BCAS3: variants seen among roughly 807,000 people sequenced by gnomAD.
BCAS3 encodes the protein BCAS4/BCAS3 fusion.
Under a neutral mutation model 116.1 loss-of-function variants are expected in BCAS3, and 53 were observed. The observed-to-expected ratio is 0.46, with a 90% CI of 0.37 to 0.57. The LOEUF is 0.57. Among genes scored for constraint, BCAS3 ranks in the 20% least tolerant of loss-of-function variants. The pLI is 0.00. For missense variants in BCAS3, 917 were observed against 1,165.4 expected, an observed-to-expected ratio of 0.79 and a Z score of 3.10; for synonymous variants, 391 against 408.2, an observed-to-expected ratio of 0.96 and a Z score of 0.51.
intron 22 of BCAS3, among the ~76,000 whole-genome samples, chr17:61,138,462 AC>A (rs544895362): frequency 2.5e-4 from 38 of 152,330 alleles, no homozygotes; most frequent in Admixed American, 2.5e-3. Flanking sequence ...TATGTGACTT[AC>A]ACACAGACCA....
chr17:60,716,106 C>T (rs1568086342), intron 5 of BCAS3, among the ~76,000 whole-genome samples: 1 of 152,120 alleles, frequency 6.6e-6, no homozygotes, highest in Non-Finnish European at 1.5e-5. Context: ...TGTGCTGTGC[C>T]CGCCTCGGCC....
intron 22 of BCAS3, among the ~76,000 whole-genome samples, chr17:61,242,683 C>G (rs1428667740): frequency 6.6e-6 from 1 of 152,272 alleles, no homozygotes; most frequent in East Asian, 1.9e-4. Flanking sequence ...AGCCTATCTT[C>G]TACCAGTCAG....
At chr17:60,836,447 G>T (rs983089189) in intron 7 of BCAS3, among the ~76,000 whole-genome samples, 8 of 152,064 alleles carry the variant, frequency 5.3e-5, no homozygotes, top group Non-Finnish European at 8.8e-5. Context: ...GAAAGAACTT[G>T]TAAGTCCGAA....
At chr17:60,772,902 C>T (rs1361820300) in intron 6 of BCAS3, among the ~76,000 whole-genome samples, 1 of 152,056 alleles carries the variant, frequency 6.6e-6, no homozygotes, top group Non-Finnish European at 1.5e-5. Flanking sequence ...TAACGTGAAG[C>T]AAGTAAGTTT....
rs530408541 is a variant in BCAS3 at position 61,358,051 on chromosome 17, GC to G, written c.2426-10273del. Reference sequence around the variant, plus strand: ...TACAGTGAGCTGAAAGCATGCCACTGCCCTACAGCCTGGGCAACAGAGTGAG... The same window carrying G: ...TACAGTGAGCTGAAAGCATGCCACTGCCTACAGCCTGGGCAACAGAGTGAG... On this transcript the variant is annotated intron_variant, in intron 22 of 23. Transcript: ENST00000407086. 2.2e-3 allele frequency among the ~76,000 whole-genome samples: 330 copies of G among 150,530 alleles called. 1 individual carries two copies. Among genetic ancestry groups the G allele is most frequent in the African/African-American group, 7.7e-3 (315 of 40,884 alleles).
chr17:61,099,133 A>G (rs1446977985), intron 22 of BCAS3, among the ~76,000 whole-genome samples: 1 of 152,068 alleles, frequency 6.6e-6, no homozygotes, highest in African/African-American at 2.4e-5. Context: ...CAAAAAAAAT[A>G]AAAGATACTC....
chr17:60,929,857 A>T (rs908529378), intron 13 of BCAS3, among the ~76,000 whole-genome samples: 2 of 151,540 alleles, frequency 1.3e-5, no homozygotes, highest in African/African-American at 4.9e-5. Context: ...ACTGAGAATG[A>T]TGATTTCCAA....
intron 22 of BCAS3, among the ~76,000 whole-genome samples, chr17:61,331,754 G>A (rs529191773): frequency 1.8e-4 from 28 of 152,274 alleles, no homozygotes; most frequent in Non-Finnish European, 4.0e-4. Context: ...TTCTTGTGAC[G>A]AGAACTCATG....
chr17:60,817,383 C>G (rs1042154516), intron 7 of BCAS3, among the ~76,000 whole-genome samples: 1 of 152,158 alleles, frequency 6.6e-6, no homozygotes, highest in African/African-American at 2.4e-5. Flanking sequence ...TGGTTAGGAT[C>G]TTGTTGGCTA....
At chr17:60,991,997 T>C (rs993549078) in intron 15 of BCAS3, among the ~76,000 whole-genome samples, 1 of 152,192 alleles carries the variant, frequency 6.6e-6, no homozygotes, top group Non-Finnish European at 1.5e-5. Context: ...TGTAACGCAA[T>C]TGATCTGTTC....
intron 6 of BCAS3, among the ~76,000 whole-genome samples, chr17:60,777,029 A>C (rs1328175475): frequency 6.6e-6 from 1 of 151,834 alleles, no homozygotes; most frequent in Non-Finnish European, 1.5e-5. Flanking sequence ...AAAAAAAAAA[A>C]AAACAAATGA....
In BCAS3 at chr17:61,376,087, A is replaced by G. The variant is rs1396160941; in HGVS notation, c.2593+7593A>G. Reference sequence around the variant, plus strand: ...CCAGTCCAGCCCTAGGGGTAGATAGATGCATCCTACTGGCCCAACTCATTG... The same window carrying G: ...CCAGTCCAGCCCTAGGGGTAGATAGGTGCATCCTACTGGCCCAACTCATTG... On this transcript the variant is annotated intron_variant, in intron 23 of 23. Transcript: ENST00000407086. The surrounding 1 kb of genome is among the most constrained non-coding windows in gnomAD (Gnocchi z 4.5). Among the ~76,000 whole-genome samples, 3 of 152,198 alleles carry G rather than the reference A, an allele frequency of 2.0e-5. No homozygotes were observed. Among genetic ancestry groups the G allele is most frequent in the Admixed American group, 6.5e-5 (1 of 15,278 alleles).
chr17:61,131,146 T>G lies in BCAS3; in HGVS notation c.2425+46582T>G, dbSNP rs1309790142. On this transcript the variant is annotated intron_variant, in intron 22 of 23. Transcript: ENST00000407086. The surrounding 1 kb of genome is among the most constrained non-coding windows in gnomAD (Gnocchi z 4.4). ...TAGGTTGACCTTTAACAAGTCTATT[T>G]AACTTTTTCTTAGGTTATTTCTAAG... Among the ~76,000 whole-genome samples, 1 of 152,214 alleles carries G rather than the reference T, an allele frequency of 6.6e-6. No homozygotes were observed. Among genetic ancestry groups the G allele is most frequent in the Admixed American group, 6.5e-5 (1 of 15,290 alleles).
At chr17:61,022,483 AT>A (rs1568144458) in intron 16 of BCAS3, among the ~76,000 whole-genome samples, 1 of 152,076 alleles carries the variant, frequency 6.6e-6, no homozygotes, top group African/African-American at 2.4e-5. Flanking sequence ...TGACCTCGTG[AT>A]CCACCTGCCT....
intron 22 of BCAS3, among the ~76,000 whole-genome samples, chr17:61,238,662 AT>A (rs1340322069): frequency 6.6e-6 from 1 of 151,966 alleles, no homozygotes; most frequent in Non-Finnish European, 1.5e-5. Flanking sequence ...TGAGCGACAC[AT>A]TTGCTACCAT....
chr17:61,074,394 A>T (rs1376170175), intron 19 of BCAS3, among the ~76,000 whole-genome samples: 1 of 152,138 alleles, frequency 6.6e-6, no homozygotes, highest in Non-Finnish European at 1.5e-5. Context: ...TTACTAAGCA[A>T]ATGTTCCTAT....
At chr17:61,120,484 C>A (rs2075728591) in intron 22 of BCAS3, among the ~76,000 whole-genome samples, 1 of 152,060 alleles carries the variant, frequency 6.6e-6, no homozygotes, top group African/African-American at 2.4e-5. Context: ...TATACACATT[C>A]ATGCTCGCTT....
intron 14 of BCAS3, among the ~76,000 whole-genome samples, chr17:60,959,288 CAG>C (rs781314912): frequency 6.6e-6 from 1 of 151,820 alleles, no homozygotes; most frequent in Non-Finnish European, 1.5e-5. Context: ...GCCTGGGAAA[CAG>C]AGCAAACCCC....
At chr17:60,954,067 A>G (rs1056634203) in intron 14 of BCAS3, among the ~76,000 whole-genome samples, 2 of 152,088 alleles carry the variant, frequency 1.3e-5, no homozygotes, top group Non-Finnish European at 2.9e-5. Context: ...TTCAGTTTCA[A>G]CCTTCTGCAC....
Sources: gnomAD v4.1 joint callset for allele counts (sites outside exome capture counted in the v4.1 genomes callset) on GRCh38, gnomAD v4.1.1 for gene constraint, Gnocchi (gnomAD v3.1) non-coding constraint, MANE v1.5 for transcripts, NCBI Gene and HGNC (gene_info 2026-07-23, HGNC 2026-07-21) for gene names.